Variants in ZSCAN10 observed in about 807,000 individuals in gnomAD.
ZSCAN10 encodes zinc finger and SCAN domain containing 10.
Under a neutral mutation model 63.7 loss-of-function variants are expected in ZSCAN10, and 52 were observed. That is an observed-to-expected ratio of 0.82 (90% confidence interval 0.65 to 1.03). ZSCAN10 has a LOEUF of 1.03. Ranked by LOEUF, ZSCAN10 falls within the 50% of genes least tolerant of loss-of-function variation. The pLI is 0.00. For synonymous variants in ZSCAN10, 544 were observed against 479.6 expected (o/e 1.13, Z -1.76); for missense variants, 1,223 against 1,103.8 (o/e 1.11, Z -1.53).
rs1249672427 is a variant in ZSCAN10 at position 3,091,596 on chromosome 16, T to G, written c.731A>C (p.Glu244Ala). Residue 244 changes from glutamate (E) to alanine (A), a missense_variant and splice_region_variant, in exon 5 of 6, where the codon GAG becomes GCG. Glu to Ala is a moderately radical substitution (Grantham distance 107). Transcript: ENST00000576985. ...SRDQELAAVL[E>A]CLTFEDVPEN... ...TGGCACATCCTCAAAGGTCAGGCAC[T>G]CCTGTATCAAGAGCAGAAACCCTTG... 1.2e-6 allele frequency: 2 copies of G among 1,614,076 alleles called. No homozygotes were observed. The highest frequency in any genetic ancestry group is 1.7e-6 in the Non-Finnish European group (2 of 1,180,046).
In ZSCAN10 at chr16:3,092,945, T is replaced by C; in HGVS notation, c.-8A>G. ...GACTGATTCTCCAAGCATCCTTCAC[T>C]GCGGGGATGCCTCCCTAACGCCAGC... On this transcript the variant is annotated 5_prime_UTR_variant, in exon 2 of 6. Transcript: ENST00000576985. The C allele has an allele frequency of 7.1e-7, 1 of 1,416,144 alleles. No individual in the cohort carries two copies. The highest frequency in any genetic ancestry group is 9.2e-7 in the Non-Finnish European group (1 of 1,087,378). 87.7% of individuals were successfully genotyped at this position (1,416,144 alleles called of 1,614,324 possible). A position where few individuals can be genotyped will look rare whatever the true frequency, so the allele number is the denominator to read the frequency against.
chr16:3,098,300 G>A (rs1321118936), intron 1 of ZSCAN10, among the ~76,000 whole-genome samples: 1 of 152,098 alleles, frequency 6.6e-6, no homozygotes, highest in Non-Finnish European at 1.5e-5. Flanking sequence ...CAAGTGCAAA[G>A]ACCAAGCTTT....
In ZSCAN10 at chr16:3,089,245, C is replaced by T. The variant is rs773482636; in HGVS notation, c.2189G>A (p.Gly730Glu). ...AEPPQECVEC[G>E]KSFSRSCNLL... ...ATTGCAGCTGCGGCTGAAGCTCTTC[C>T]CGCACTCCACGCACTCCTGCGGGGG... Residue 730 changes from glycine (G) to glutamate (E), a missense_variant, in exon 6 of 6, where the codon GGG becomes GAG. By Grantham distance (98) the Gly-to-Glu change is moderately conservative (BLOSUM62 -2). Transcript: ENST00000576985. 4.4e-6 allele frequency: 7 copies of T among 1,582,226 alleles called. No individual in the cohort carries two copies. Among genetic ancestry groups the T allele is most frequent in the Non-Finnish European group, 6.0e-6 (7 of 1,171,358 alleles).
rs1237089256 is a variant in ZSCAN10, at chr16:3,089,725, C to T, written c.1709G>A (p.Arg570Gln). 3 of 1,603,434 alleles carry T rather than the reference C, an allele frequency of 1.9e-6. No homozygotes were observed. Among genetic ancestry groups the T allele is most frequent in the Non-Finnish European group, 2.5e-6 (3 of 1,179,044 alleles). Residue 570 changes from arginine (R) to glutamine (Q), a missense_variant, in exon 6 of 6, where the codon CGG (arginine) becomes CAG (glutamine). Arg to Gln is a conservative substitution (Grantham distance 43). Coordinates refer to ENST00000576985, the MANE Select transcript of ZSCAN10 (RefSeq NM_032805.3). ...TQSSQLVSHQ[R>Q]VHTGEKPYAC... ...GTAGGGCTTCTCGCCCGTGTGCACC[C>T]GTTGGTGGCTGACCAGCTGCGAGCT...
intron 1 of ZSCAN10, among the ~76,000 whole-genome samples, chr16:3,095,827 C>CA (rs34598827): frequency 0.41 from 48,612 of 118,426 alleles, 9,557 homozygotes; most frequent in African/African-American, 0.45. Flanking sequence ...GACTCCATCT[C>CA]AAAAAAAAAA....
chr16:3,090,910 C>A (rs112364092), intron 5 of ZSCAN10, among the ~76,000 whole-genome samples: 3,130 of 148,478 alleles, frequency 0.021, 121 homozygotes, highest in African/African-American at 0.073. Context: ...AAAAAAAAAC[C>A]AAAACAAAAA....
At position 3,091,559 on chromosome 16, in the gene ZSCAN10, C is replaced by T. The variant is rs72772561; in HGVS notation, c.768G>A (p.Ala256=). The change falls in exon 5 of 6, where the codon GCG becomes GCA. Residue 256 remains alanine, a synonymous_variant. Coordinates refer to ENST00000576985, the MANE Select transcript of ZSCAN10 (RefSeq NM_032805.3). The part of the protein sequence containing the change: ...LTFEDVPENK[A]WPAHPLGFGS... Reference sequence around the variant, plus strand: ...GCTTACCCAGGGGGTGTGCAGGCCACGCCTTATTCTCTGGCACATCCTCAA... The same window carrying T: ...GCTTACCCAGGGGGTGTGCAGGCCATGCCTTATTCTCTGGCACATCCTCAA... The T allele has an allele frequency of 3.6e-3, 5,736 of 1,614,162 alleles. 17 individuals carry two copies. Among genetic ancestry groups the T allele is most frequent in the Admixed American group, 4.7e-3 (282 of 60,030 alleles).
In ZSCAN10 at chr16:3,092,594, AC is replaced by A. The variant is rs759900280; in HGVS notation, c.343del (p.Val115TrpfsTer93). 6.3e-7 allele frequency: 1 copy of A among 1,592,664 alleles called. No homozygotes were observed. The highest frequency in any genetic ancestry group is 8.5e-7 in the Non-Finnish European group (1 of 1,170,374). ...QGQPLRDGEEVVLLLEGIHRE... is the reference protein window; with the variant it reads ...QGQPLRDGEEXVLLLEGIHRE... ...GTGGATGCCCTCGAGCAGCAGCACC[AC>A]CTCCTCCCCATCCCTGAGCGGCTGC... On this transcript the variant is annotated frameshift_variant, in exon 2 of 6. Coordinates refer to ENST00000576985, the MANE Select transcript of ZSCAN10 (RefSeq NM_032805.3). LOFTEE classifies it high-confidence loss of function.
At position 3,090,273 on chromosome 16, in the gene ZSCAN10, G is replaced by A; in HGVS notation, c.1161C>T (p.Arg387=). 1 of 1,608,746 alleles carries A rather than the reference G, an allele frequency of 6.2e-7. No homozygotes were observed. The highest frequency in any genetic ancestry group is 8.5e-7 in the Non-Finnish European group (1 of 1,179,336). ...GCATGTGCAGCTTGAGAATGGAGCT[G>A]CGGCCGAAGCTCTTCCCGCAGCAAA... ...LCLCCGKSFG[R]SSILKLHMRT... The change falls in exon 6 of 6, where the codon CGC becomes CGT. Residue 387 remains arginine (R), a synonymous_variant. Coordinates refer to ENST00000576985, the MANE Select transcript of ZSCAN10 (RefSeq NM_032805.3).
At chr16:3,091,418 A>G in intron 5 of ZSCAN10, 122 bp downstream of exon 5, 1 of 1,065,146 alleles carries the variant, frequency 9.4e-7, no homozygotes, top group Non-Finnish European at 1.4e-6. Context: ...CTGAGGTGGG[A>G]GGATCACTTG....
Position 3,089,035 on chromosome 16 carries a change from C to A in ZSCAN10, c.*56G>T, listed in dbSNP as rs149187078. ...GAAGGGACATTCCTGCAGGCCTCCG[C>A]TGTGGAGGACCCCGGGTAGGTGGCG... On this transcript the variant is annotated 3_prime_UTR_variant, in exon 6 of 6. Transcript: ENST00000576985. The A allele has an allele frequency of 0.017, 24,530 of 1,434,264 alleles. 243 individuals are homozygous for A. The highest frequency in any genetic ancestry group is 0.02 in the Non-Finnish European group (22,100 of 1,104,132). 88.8% of individuals were successfully genotyped at this position (1,434,264 alleles called of 1,614,324 possible). A position where few individuals can be genotyped will look rare whatever the true frequency, so the allele number is the denominator to read the frequency against.
Position 3,088,963 on chromosome 16 carries a change from G to A in ZSCAN10, c.*128C>T. ...GCCAGAAAGCAATGCCTCGGCCAGG[G>A]AAGGACAGCTGTGAAAGTGGAAGGA... On this transcript the variant is annotated 3_prime_UTR_variant, in exon 6 of 6. Coordinates refer to ENST00000576985, the MANE Select transcript of ZSCAN10 (RefSeq NM_032805.3). 2 of 1,371,064 alleles carry A rather than the reference G, an allele frequency of 1.5e-6. No individual in the cohort carries two copies. Among genetic ancestry groups the A allele is most frequent in the Non-Finnish European group, 1.9e-6 (2 of 1,068,546 alleles). The allele number at this position is 1,371,064 out of a possible 1,614,324, so 84.9% of individuals were successfully genotyped here. A position where few individuals can be genotyped will look rare whatever the true frequency, so the allele number is the denominator to read the frequency against.
chr16:3,095,392 C>T (rs571360774), intron 1 of ZSCAN10, among the ~76,000 whole-genome samples: 1 of 151,906 alleles, frequency 6.6e-6, no homozygotes, highest in Non-Finnish European at 1.5e-5. Context: ...TGGCGGGCAC[C>T]TGTAGTCCCA....
At chr16:3,095,931 G>A (rs1045908325) in intron 1 of ZSCAN10, among the ~76,000 whole-genome samples, 2 of 152,146 alleles carry the variant, frequency 1.3e-5, no homozygotes, top group Non-Finnish European at 2.9e-5. Context: ...AGGAGGTTGA[G>A]GCTGCAGTGC....
Position 3,090,120 on chromosome 16 carries a change from G to A in ZSCAN10, c.1314C>T (p.Gly438=). 6.2e-7 allele frequency: 1 copy of A among 1,600,726 alleles called. No individual in the cohort carries two copies. The highest frequency in any genetic ancestry group is 8.5e-7 in the Non-Finnish European group (1 of 1,177,262). Residue 438 remains glycine, a synonymous_variant, in exon 6 of 6, where the codon GGC becomes GGT. Coordinates refer to ENST00000576985, the MANE Select transcript of ZSCAN10 (RefSeq NM_032805.3). The stretch of plus-strand genomic sequence containing the variant: ...GGCTGGCGCGGCGCTGGAAGCCGCG[G>A]CCGCACTCTGCGCACAGGAAGGCGG... The part of the protein sequence containing the change: ...SEPAFLCAEC[G]RGFQRRASLV...
At chr16:3,095,844 A>AT (rs201196122) in intron 1 of ZSCAN10, among the ~76,000 whole-genome samples, 3,014 of 151,144 alleles carry the variant, frequency 0.02, 119 homozygotes, top group African/African-American at 0.07. Context: ...AAAAAAAAAA[A>AT]ATTTAGCCAG....
intron 1 of ZSCAN10, among the ~76,000 whole-genome samples, chr16:3,097,419 G>C (rs927808002): frequency 2.6e-5 from 4 of 152,308 alleles, no homozygotes; most frequent in Admixed American, 1.3e-4. Context: ...AAAATGGAAC[G>C]GGAAGTTCCC....
At chr16:3,091,418 AG>A in intron 5 of ZSCAN10, 121 bp downstream of exon 5, 1 of 1,065,148 alleles carries the variant, frequency 9.4e-7, no homozygotes, top group Admixed American at 1.8e-5. Flanking sequence ...CTGAGGTGGG[AG>A]GATCACTTGA....
In ZSCAN10 at chr16:3,092,696, T is replaced by C. The variant is rs891789205; in HGVS notation, c.242A>G (p.Lys81Arg). The C allele has an allele frequency of 1.9e-6, 3 of 1,613,292 alleles. No individual in the cohort carries two copies. Among genetic ancestry groups the C allele is most frequent in the Non-Finnish European group, 2.5e-6 (3 of 1,179,898 alleles). Residue 81 changes from lysine to arginine, a missense_variant, in exon 2 of 6, where the codon AAA becomes AGA. Transcript: ENST00000576985. ...HWLRPALHTK[K>R]QILELLVLEQ... ...CAGCACCAGCAGCTCCAGGATCTGTTTCTTGGTGTGCAGAGCCGGCCGCAG... is the reference window on the plus strand; with the variant it reads ...CAGCACCAGCAGCTCCAGGATCTGTCTCTTGGTGTGCAGAGCCGGCCGCAG...
Sources: allele counts gnomAD v4.1 joint callset (sites outside exome capture counted in the v4.1 genomes callset), GRCh38; gene constraint gnomAD v4.1.1; transcripts MANE v1.5; gene names NCBI Gene and HGNC (gene_info 2026-07-23, HGNC 2026-07-21).